The following FAM222B variants were observed in gnomAD, a reference collection of about 807,000 sequenced individuals.
FAM222B encodes the protein family with sequence similarity 222 member B.
FAM222B carries 12 observed loss-of-function variants against 38.0 expected under a neutral mutation model. The observed-to-expected ratio is 0.32, with a 90% CI of 0.20 to 0.51. The LOEUF is 0.51. Ranked by LOEUF, FAM222B falls within the 20% of genes least tolerant of loss-of-function variation. FAM222B has a pLI of 0.97. For synonymous variants in FAM222B, 329 were observed against 317.2 expected, an observed-to-expected ratio of 1.04 and a Z score of -0.40; for missense variants, 716 against 754.2, an observed-to-expected ratio of 0.95 and a Z score of 0.59.
chr17:28,784,657 C>T (rs919902548), intron 1 of FAM222B, among the ~76,000 whole-genome samples: 2 of 151,792 alleles, frequency 1.3e-5, no homozygotes, highest in African/African-American at 4.8e-5. Context: ...AATGAAACCC[C>T]GTCTCTACTA....
intron 1 of FAM222B, among the ~76,000 whole-genome samples, chr17:28,835,278 G>A (rs968990741): frequency 1.3e-5 from 2 of 151,814 alleles, no homozygotes; most frequent in African/African-American, 2.4e-5. Flanking sequence ...CTCATGATCC[G>A]CCCACCTCGG....
chr17:28,785,158 G>C (rs1046150348), intron 1 of FAM222B, among the ~76,000 whole-genome samples: 2 of 151,728 alleles, frequency 1.3e-5, no homozygotes, highest in Non-Finnish European at 2.9e-5. Flanking sequence ...AACTTGTTCT[G>C]TGATATAAAG....
chr17:28,800,156 C>T (rs918319138), intron 1 of FAM222B, among the ~76,000 whole-genome samples: 2 of 152,112 alleles, frequency 1.3e-5, no homozygotes, highest in Admixed American at 1.3e-4. Context: ...CTCAGCTTCC[C>T]GAGTAGCTAG....
At chr17:28,798,957 C>G (rs2037077198) in intron 1 of FAM222B, among the ~76,000 whole-genome samples, 1 of 149,098 alleles carries the variant, frequency 6.7e-6, no homozygotes, top group African/African-American at 2.5e-5. Flanking sequence ...AACTTGTTTT[C>G]AAGAATGGAA....
At position 28,822,866 on chromosome 17, in the gene FAM222B, CACACATATATATATAT is replaced by C. The variant is rs1339797696; in HGVS notation, c.-41+19800_-41+19815del. ...ATATATATATATATATATATATATA[CACACATATATATATAT>C]ACACACACACATATATGAATATAGA... On this transcript the variant is annotated intron_variant, in intron 1 of 2. Transcript: ENST00000581407. Among the ~76,000 whole-genome samples, 96 of 75,516 alleles carry C rather than the reference CACACATATATATATAT, an allele frequency of 1.3e-3. 1 individual carries two copies. The highest frequency in any genetic ancestry group is 4.6e-3 in the African/African-American group (88 of 18,952). 49.5% of individuals were successfully genotyped at this position (75,516 alleles called of 152,430 possible). A position where few individuals can be genotyped will look rare whatever the true frequency, so the allele number is the denominator to read the frequency against.
At chr17:28,806,009 G>A (rs184006345) in intron 1 of FAM222B, among the ~76,000 whole-genome samples, 1 of 152,048 alleles carries the variant, frequency 6.6e-6, no homozygotes, top group Non-Finnish European at 1.5e-5. Context: ...GGCACATGGT[G>A]CATGTGGTGG....
chr17:28,766,457 T>TAAA (rs749007741), intron 2 of FAM222B, 129 bp downstream of exon 2: 101 of 598,742 alleles, frequency 1.7e-4, no homozygotes, highest in Non-Finnish European at 2.1e-4. Flanking sequence ...GACTTCGTCT[T>TAAA]AAAAAAAAAA....
intron 1 of FAM222B, among the ~76,000 whole-genome samples, chr17:28,773,054 C>T (rs985330035): frequency 1.3e-5 from 2 of 152,144 alleles, no homozygotes; most frequent in African/African-American, 4.8e-5. Context: ...AGAAACAGAG[C>T]TTGAGGTCCT....
intron 1 of FAM222B, among the ~76,000 whole-genome samples, chr17:28,851,102 G>C (rs2039178100): frequency 6.6e-6 from 1 of 151,060 alleles, no homozygotes; most frequent in Non-Finnish European, 1.5e-5. Context: ...CTGGGCGACA[G>C]AGGGAGACTC....
chr17:28,841,335 T>C (rs2039030745), intron 1 of FAM222B, among the ~76,000 whole-genome samples: 1 of 152,162 alleles, frequency 6.6e-6, no homozygotes, highest in Non-Finnish European at 1.5e-5. Flanking sequence ...TATTTTCACA[T>C]CCCTCACTGG....
intron 1 of FAM222B, among the ~76,000 whole-genome samples, chr17:28,809,622 C>T (rs534412723): frequency 1.3e-5 from 2 of 152,166 alleles, no homozygotes; most frequent in East Asian, 1.9e-4. Context: ...AATTCTTTCA[C>T]GAACCCCTAA....
At chr17:28,848,302 C>T (rs1215058992) in intron 1 of FAM222B, among the ~76,000 whole-genome samples, 4 of 152,082 alleles carry the variant, frequency 2.6e-5, no homozygotes, top group South Asian at 2.1e-4. Flanking sequence ...GAATGTTATA[C>T]GCTGATTGAG....
chr17:28,784,828 G>A (rs1373334768), intron 1 of FAM222B, among the ~76,000 whole-genome samples: 1 of 152,008 alleles, frequency 6.6e-6, no homozygotes, highest in East Asian at 1.9e-4. Context: ...ACGGCTCATT[G>A]AAGCCTCAAC....
chr17:28,796,716 A>C (rs1178786314), intron 1 of FAM222B, among the ~76,000 whole-genome samples: 1 of 152,106 alleles, frequency 6.6e-6, no homozygotes, highest in African/African-American at 2.4e-5. Flanking sequence ...TTCAACAGCA[A>C]AGATTAAAAA....
At chr17:28,851,156 C>T (rs2039178505) in intron 1 of FAM222B, among the ~76,000 whole-genome samples, 1 of 151,820 alleles carries the variant, frequency 6.6e-6, no homozygotes, top group South Asian at 2.1e-4. Flanking sequence ...TGTTCCAAGG[C>T]TAGGGGCAGT....
At chr17:28,850,508 C>T (rs554821028) in intron 1 of FAM222B, among the ~76,000 whole-genome samples, 31 of 152,140 alleles carry the variant, frequency 2.0e-4, no homozygotes, top group Admixed American at 6.6e-4. Flanking sequence ...CCGTGTTAGC[C>T]AGGATGGTCT....
chr17:28,846,744 A>G (rs1313364692), upstream of FAM222B, among the ~76,000 whole-genome samples: 2 of 152,066 alleles, frequency 1.3e-5, no homozygotes, highest in Non-Finnish European at 2.9e-5. Context: ...ATTGGTCCTC[A>G]ATATCCAAGG....
At chr17:28,790,752 C>T (rs1157695081) in intron 1 of FAM222B, among the ~76,000 whole-genome samples, 1 of 151,830 alleles carries the variant, frequency 6.6e-6, no homozygotes, top group Non-Finnish European at 1.5e-5. Context: ...GGAGAATGCC[C>T]CTTGTTTATA....
chr17:28,796,589 G>A (rs752306081), intron 1 of FAM222B, among the ~76,000 whole-genome samples: 1 of 152,136 alleles, frequency 6.6e-6, no homozygotes, highest in African/African-American at 2.4e-5. Flanking sequence ...GTGTGTAGTA[G>A]TAAGAAGAGA....
Sources: gnomAD v4.1 joint callset for allele counts (sites outside exome capture counted in the v4.1 genomes callset) on GRCh38, gnomAD v4.1.1 for gene constraint, MANE v1.5 for transcripts, NCBI Gene and HGNC (gene_info 2026-07-23, HGNC 2026-07-21) for gene names.